ANK1: variants seen among roughly 807,000 people sequenced by gnomAD.
The protein encoded by ANK1 is ankyrin 1.
In ANK1, 51 loss-of-function variants were observed where a neutral mutation model predicts 210.4. That is an observed-to-expected ratio of 0.24 (90% CI 0.19 to 0.31). ANK1 has a LOEUF of 0.31. Ranked by LOEUF, ANK1 falls within the 10% of genes least tolerant of loss-of-function variation. The pLI is 1.00. For missense variants in ANK1, 2,051 were observed against 2,504.4 expected, an observed-to-expected ratio of 0.82 and a Z score of 3.86; for synonymous variants, 967 against 1,025.9, an observed-to-expected ratio of 0.94 and a Z score of 1.10.
chr8:41,694,236 C>A lies in ANK1; in HGVS notation c.3328-134G>T. The A allele has an allele frequency of 1.0e-6, 1 of 956,990 alleles. No homozygotes were observed. The highest frequency in any genetic ancestry group is 1.5e-6 in the Non-Finnish European group (1 of 646,486). 59.3% of individuals were successfully genotyped at this position (956,990 alleles called of 1,614,324 possible). ...CCCTGCTGTTGGACCACAGAACCGA[C>A]ACGGTGGAGCTTGCCTTCCTGAGCC... On this transcript the variant is annotated intron_variant, in intron 28 of 42. Transcript: ENST00000289734. This position sits in a 1 kb window ranked among gnomAD's most constrained non-coding sequence, Gnocchi z 5.7.
chr8:41,791,491 A>G (rs1176997522), intron 1 of ANK1, among the ~76,000 whole-genome samples: 4 of 129,606 alleles, frequency 3.1e-5, no homozygotes, highest in Admixed American at 8.0e-5. Flanking sequence ...TCCAGGCTAG[A>G]GTGCAGCTCT....
chr8:41,677,140 T>A (rs1358868345), intron 37 of ANK1, among the ~76,000 whole-genome samples: 1 of 152,204 alleles, frequency 6.6e-6, no homozygotes, highest in Non-Finnish European at 1.5e-5. Flanking sequence ...TGTCATAATA[T>A]CCCTTTATTG....
intron 2 of ANK1, among the ~76,000 whole-genome samples, chr8:41,754,953 G>A (rs980367393): frequency 6.6e-6 from 1 of 152,246 alleles, no homozygotes; most frequent in East Asian, 1.9e-4. Context: ...TGGCAGCTGT[G>A]GGAATTAACC....
chr8:41,655,661 T>A lies in ANK1; in HGVS notation c.*129A>T, dbSNP rs1805397078. 1 of 1,567,232 alleles carries A rather than the reference T, an allele frequency of 6.4e-7. No individual in the cohort carries two copies. Reference sequence around the variant, plus strand: ...GTCATGCCGTCAGCCCAGAGGAATGTGTGCACCGCTGCGGTGGCCCTCAGG... The same window carrying A: ...GTCATGCCGTCAGCCCAGAGGAATGAGTGCACCGCTGCGGTGGCCCTCAGG... On this transcript the variant is annotated 3_prime_UTR_variant, in exon 43 of 43. Coordinates refer to ENST00000289734, the MANE Select transcript of ANK1 (RefSeq NM_000037.4).
chr8:41,877,694 A>C (rs1816841183), intron 1 of ANK1, among the ~76,000 whole-genome samples: 2 of 152,244 alleles, frequency 1.3e-5, no homozygotes, highest in African/African-American at 4.8e-5. Context: ...AAATGATGCG[A>C]TAGAGCAGGT....
intron 1 of ANK1, among the ~76,000 whole-genome samples, chr8:41,808,059 C>T (rs183114281): frequency 5.3e-4 from 80 of 152,218 alleles, no homozygotes; most frequent in Non-Finnish European, 2.9e-4. Context: ...GCCCCAAGGT[C>T]GGCAGCCCTC....
intron 2 of ANK1, among the ~76,000 whole-genome samples, chr8:41,737,188 A>G (rs143552924): frequency 2.4e-4 from 36 of 152,192 alleles, no homozygotes; most frequent in African/African-American, 7.2e-4. Flanking sequence ...AGTCCCAGCT[A>G]CTCAGGAGGC....
At chr8:41,668,766 C>T (rs1351130426) in intron 38 of ANK1, among the ~76,000 whole-genome samples, 2 of 152,168 alleles carry the variant, frequency 1.3e-5, no homozygotes, top group Non-Finnish European at 2.9e-5. Flanking sequence ...GAGGGGTACA[C>T]GTGGCCCATC....
At chr8:41,829,372 A>G (rs1306351834) in intron 1 of ANK1, 1 of 152,246 alleles carries the variant, frequency 6.6e-6, no homozygotes, top group East Asian at 1.9e-4. Flanking sequence ...CTCAGGGGGC[A>G]CATGCCCATC....
At position 41,693,908 on chromosome 8, in the gene ANK1, G is replaced by A. The variant is rs1264231749; in HGVS notation, c.3522C>T (p.Cys1174=). Residue 1174 remains cysteine, a synonymous_variant, in exon 29 of 43, where the codon TGC becomes TGT. Coordinates refer to ENST00000289734, the MANE Select transcript of ANK1 (RefSeq NM_000037.4). ...AGGGGCCCCTCTCACCAATGACGCT[G>A]CAAAGCAGGCGCAGGCTGGTGGTGT... ...EGDTTSLRLL[C]SVIGGTDQAQ... is the part of the protein sequence containing the mutation. 1 of 1,609,208 alleles carries A rather than the reference G, an allele frequency of 6.2e-7. No homozygotes were observed. The highest frequency in any genetic ancestry group is 8.5e-7 in the Non-Finnish European group (1 of 1,178,068).
At position 41,797,469 on chromosome 8, in the gene ANK1, C is replaced by T; in HGVS notation, c.27+43G>A. Reference sequence around the variant, plus strand: ...ACTGGCGCGGCCTGGGTGGCCCCCTCCTGACATCTCCCCGTCCACCCGAGC... The same window carrying T: ...ACTGGCGCGGCCTGGGTGGCCCCCTTCTGACATCTCCCCGTCCACCCGAGC... On this transcript the variant is annotated intron_variant, in intron 1 of 42. Coordinates refer to ENST00000289734, the MANE Select transcript of ANK1 (RefSeq NM_000037.4). This position sits in a 1 kb window ranked among gnomAD's most constrained non-coding sequence, Gnocchi z 4.0. The T allele has an allele frequency of 6.3e-7, 1 of 1,590,646 alleles. No individual in the cohort carries two copies. The highest frequency in any genetic ancestry group is 8.6e-7 in the Non-Finnish European group (1 of 1,161,876).
intron 2 of ANK1, among the ~76,000 whole-genome samples, chr8:41,744,193 C>A (rs1835492288): frequency 6.6e-6 from 1 of 151,166 alleles, no homozygotes; most frequent in Non-Finnish European, 1.5e-5. Flanking sequence ...GGAGACAAAT[C>A]CATGAGTCCA....
rs753990941 is a variant in ANK1, at chr8:41,660,518, G to A, written c.*36+912C>T. ...GCTCAGTACAGGATGCCCCAGGGAG[G>A]ATGGAGATCAGAGCCGGCCGCTGAA... On this transcript the variant is annotated intron_variant, in intron 42 of 42. Coordinates refer to ENST00000289734, the MANE Select transcript of ANK1 (RefSeq NM_000037.4). 29 of 467,268 alleles carry A rather than the reference G, an allele frequency of 6.2e-5. No individual in the cohort carries two copies. The East Asian group carries it at 1.4e-3, about 23-fold the overall frequency. The allele number at this position is 467,268 out of a possible 1,614,324, so 28.9% of individuals were successfully genotyped here.
At chr8:41,668,678 A>G in intron 38 of ANK1, 114 bp from the exon 39 acceptor site, 1 of 1,193,404 alleles carries the variant, frequency 8.4e-7, no homozygotes, top group Non-Finnish European at 1.2e-6. Flanking sequence ...CTGGCTCATC[A>G]AGGACACAGA....
intron 14 of ANK1, among the ~76,000 whole-genome samples, chr8:41,715,335 T>G (rs962022138): frequency 2.7e-4 from 41 of 152,302 alleles, no homozygotes; most frequent in African/African-American, 8.9e-4. Flanking sequence ...GAGGGCAGGG[T>G]ATGAGTCTTA....
rs28462982 is a variant in ANK1, at chr8:41,828,273, T to C, written c.126+68082A>G. The C allele has an allele frequency of 5.7e-3, 882 of 154,060 alleles. 7 individuals are homozygous for C. The highest frequency in any genetic ancestry group is 0.02 in the African/African-American group (838 of 41,614). 9.5% of individuals were successfully genotyped at this position (154,060 alleles called of 1,614,324 possible). ...CTCCCGCTCCGCCCCGCTCCGCCCG[T>C]GCTGGGCTGTGGCCTCCACACCAAG... On this transcript the variant is annotated intron_variant, in intron 1 of 42. Coordinates refer to the ANK1 transcript ENST00000265709.
intron 1 of ANK1, among the ~76,000 whole-genome samples, chr8:41,840,570 G>A (rs1027662078): frequency 3.9e-5 from 6 of 152,172 alleles, no homozygotes; most frequent in Non-Finnish European, 7.3e-5. Context: ...GAGGGCTGTC[G>A]CCCTGGCTTG....
intron 14 of ANK1, 65 bp downstream of exon 14, chr8:41,715,587 T>C: frequency 1.3e-6 from 2 of 1,587,086 alleles, no homozygotes; most frequent in Non-Finnish European, 1.7e-6. Flanking sequence ...GGAATTCCCC[T>C]CCGAGCTCCA....
chr8:41,827,021 G>T (rs1406994795), intron 1 of ANK1, among the ~76,000 whole-genome samples: 1 of 152,134 alleles, frequency 6.6e-6, no homozygotes, highest in Non-Finnish European at 1.5e-5. Flanking sequence ...TTGATCTATT[G>T]TCTTTTCTAA....
Sources: gnomAD v4.1 joint callset for allele counts (sites outside exome capture counted in the v4.1 genomes callset) on GRCh38, gnomAD v4.1.1 for gene constraint, Gnocchi (gnomAD v3.1) non-coding constraint, MANE v1.5 for transcripts, NCBI Gene and HGNC (gene_info 2026-07-23, HGNC 2026-07-21) for gene names.